ABCC5: variants seen among roughly 807,000 people sequenced by gnomAD.
ABCC5 encodes ATP binding cassette subfamily C member 5, also known as ATP-binding cassette sub-family C member 5.
In ABCC5, 61 loss-of-function variants were observed where a neutral mutation model predicts 160.9. That is an observed-to-expected ratio of 0.38 (90% CI 0.31 to 0.47). The LOEUF (loss-of-function observed/expected upper bound fraction) is 0.47. ABCC5 is among the 20% of genes least tolerant of loss of function. ABCC5 has a pLI of 0.99. For missense variants in ABCC5, 1,308 were observed against 1,813.3 expected, an observed-to-expected ratio of 0.72 and a Z score of 5.06; for synonymous variants, 666 against 700.6, an observed-to-expected ratio of 0.95 and a Z score of 0.78.
intron 9 of ABCC5, among the ~76,000 whole-genome samples, chr3:183,978,028 C>T (rs1718377482): frequency 6.6e-6 from 1 of 152,222 alleles, no homozygotes; most frequent in Non-Finnish European, 1.5e-5. Context: ...GCTGGGATTA[C>T]AGGCGTGAGC....
chr3:183,977,868 T>G (rs914925059), intron 9 of ABCC5, among the ~76,000 whole-genome samples: 5 of 152,126 alleles, frequency 3.3e-5, no homozygotes, highest in African/African-American at 1.2e-4. Context: ...TTCTCCTGCC[T>G]CAGCCTCCCG....
chr3:183,972,221 G>T (rs1415153459), intron 10 of ABCC5, among the ~76,000 whole-genome samples: 3 of 152,152 alleles, frequency 2.0e-5, no homozygotes, highest in Non-Finnish European at 4.4e-5. Flanking sequence ...ACATTTAACT[G>T]ACTGGCACGT....
chr3:183,973,282 T>C (rs1415086755), intron 10 of ABCC5, among the ~76,000 whole-genome samples: 2 of 149,158 alleles, frequency 1.3e-5, no homozygotes, highest in African/African-American at 2.5e-5. Flanking sequence ...CTAGATCTCC[T>C]GACCTCGTGA....
At chr3:183,974,819 T>C (rs980047483) in intron 10 of ABCC5, among the ~76,000 whole-genome samples, 1 of 152,316 alleles carries the variant, frequency 6.6e-6, no homozygotes, top group East Asian at 1.9e-4. Context: ...TCTCTTTTCC[T>C]ATTCTTTATG....
At chr3:183,968,880 C>T (rs1164007820) in intron 11 of ABCC5, among the ~76,000 whole-genome samples, 2 of 152,152 alleles carry the variant, frequency 1.3e-5, no homozygotes, top group African/African-American at 2.4e-5. Flanking sequence ...CTGTGTCTGT[C>T]TCCTTCTTTG....
intron 25 of ABCC5, among the ~76,000 whole-genome samples, chr3:183,942,039 TTTC>T (rs1714405799): frequency 6.9e-6 from 1 of 145,760 alleles, no homozygotes; most frequent in Non-Finnish European, 1.5e-5. Flanking sequence ...CAGTTACGCA[TTTC>T]TTTTCTTTTT....
chr3:183,921,478 G>A lies in ABCC5; in HGVS notation c.4213-77C>T. 5 of 1,350,304 alleles carry A rather than the reference G, an allele frequency of 3.7e-6. No homozygotes were observed. In the East Asian group the frequency reaches 7.7e-5, roughly 21 times the overall value. 83.6% of individuals were successfully genotyped at this position (1,350,304 alleles called of 1,614,324 possible). A position where few individuals can be genotyped will look rare whatever the true frequency, so the allele number is the denominator to read the frequency against. ...ATTCAGAGGATCCACGGCTCAGTAA[G>A]TGCCAGTGCCCTCTGAGGGTAGAAT... On this transcript the variant is annotated intron_variant, in intron 29 of 29. Transcript: ENST00000334444. This position sits in a 1 kb window ranked among gnomAD's most constrained non-coding sequence, Gnocchi z 4.1.
chr3:184,017,490 C>G lies in ABCC5; in HGVS notation c.-56+340G>C, dbSNP rs1314561846. The G allele has an allele frequency of 1.3e-5, 2 of 152,164 alleles. No individual in the cohort carries two copies. Among genetic ancestry groups the G allele is most frequent in the African/African-American group, 4.8e-5 (2 of 41,430 alleles). The allele number at this position is 152,164 out of a possible 1,614,324, so 9.4% of individuals were successfully genotyped here. On this transcript the variant is annotated intron_variant, in intron 1 of 29. Coordinates refer to ENST00000334444, the MANE Select transcript of ABCC5 (RefSeq NM_005688.4). This position sits in a 1 kb window ranked among gnomAD's most constrained non-coding sequence, Gnocchi z 4.5. ...CCCTAGGGCGTTCCCACAGCCCGCT[C>G]CGGCCTGCCCAGGCGAGCGCGACCC...
intron 5 of ABCC5, chr3:183,985,073 G>T: frequency 1.5e-6 from 1 of 665,980 alleles, no homozygotes; most frequent in Non-Finnish European, 2.5e-6. Context: ...AGAGGAAACA[G>T]CAGATTAAAG....
chr3:183,994,256 T>C (rs1720051604), intron 2 of ABCC5, among the ~76,000 whole-genome samples: 1 of 152,228 alleles, frequency 6.6e-6, no homozygotes, highest in South Asian at 2.1e-4. Flanking sequence ...CTTGACATTA[T>C]TTATGATTCA....
intron 26 of ABCC5, among the ~76,000 whole-genome samples, chr3:183,934,131 C>A (rs997647561): frequency 6.6e-6 from 1 of 152,164 alleles, no homozygotes; most frequent in Non-Finnish European, 1.5e-5. Context: ...CATGGTGAAA[C>A]CCCGTCTCTA....
rs566496173 is a variant in ABCC5, at chr3:183,922,210, G to A, written c.4213-809C>T. 5.9e-5 allele frequency among the ~76,000 whole-genome samples: 9 copies of A among 151,630 alleles called. No homozygotes were observed. The South Asian group carries it at 1.7e-3, about 28-fold the overall frequency. On this transcript the variant is annotated intron_variant, in intron 29 of 29. Transcript: ENST00000334444. ...AACATGGTGAAACCCTGTCTCTAGT[G>A]AAAATACAAAAATTAGCTGGGTGTG...
rs1334192274 is a variant in ABCC5, at chr3:183,947,376, T to A, written c.3362A>T (p.His1121Leu). 1 of 1,613,504 alleles carries A rather than the reference T, an allele frequency of 6.2e-7. No individual in the cohort carries two copies. Among genetic ancestry groups the A allele is most frequent in the Non-Finnish European group, 8.5e-7 (1 of 1,179,846 alleles). The change falls in exon 23 of 30, where the codon CAC (histidine) becomes CTC (leucine). Residue 1121 changes from histidine to leucine, a missense_variant. Coordinates refer to ENST00000334444, the MANE Select transcript of ABCC5 (RefSeq NM_005688.4). ...CGCATAGGCTGGGGGAATCTGCCCG[T>A]GCATAAGAACGATCATCAGCCCCGT... is the stretch of plus-strand genomic sequence containing the variant. ...TTTGLMIVLM[H>L]GQIPPAYAGL...
intron 2 of ABCC5, among the ~76,000 whole-genome samples, chr3:184,010,798 C>CTTTTTTTTTT: frequency 7.3e-6 from 1 of 136,630 alleles, no homozygotes; most frequent in Non-Finnish European, 1.6e-5. Flanking sequence ...CATTCTTCTT[C>CTTTTTTTTTT]TTTTTTTTTT....
chr3:183,960,543 T>A (rs1315129735), intron 16 of ABCC5, among the ~76,000 whole-genome samples: 1 of 152,130 alleles, frequency 6.6e-6, no homozygotes, highest in African/African-American at 2.4e-5. Flanking sequence ...GTACTATACA[T>A]GTGATGTGGT....
intron 10 of ABCC5, chr3:183,972,148 C>G (rs941313452): frequency 2.6e-6 from 2 of 763,214 alleles, no homozygotes; most frequent in African/African-American, 3.4e-5. Context: ...ACCCAATATT[C>G]CACATGACAA....
chr3:183,985,480 G>C, intron 5 of ABCC5: 1 of 997,010 alleles, frequency 1.0e-6, no homozygotes, highest in Non-Finnish European at 1.6e-6. Context: ...AGGTTGGAAG[G>C]GTGGGAAACT....
At chr3:183,975,551 C>T (rs148104425) in intron 10 of ABCC5, among the ~76,000 whole-genome samples, 1,885 of 152,092 alleles carry the variant, frequency 0.012, 48 homozygotes, top group African/African-American at 0.043. Context: ...CCATGTTGGC[C>T]AGGCTGGTCT....
intron 28 of ABCC5, 138 bp downstream of exon 28, chr3:183,927,192 A>G: frequency 1.2e-6 from 1 of 826,578 alleles, no homozygotes. Context: ...TGTCAGGGTT[A>G]GAGTTATCTC....
Sources: gnomAD v4.1 joint callset for allele counts (sites outside exome capture counted in the v4.1 genomes callset) on GRCh38, gnomAD v4.1.1 for gene constraint, Gnocchi (gnomAD v3.1) non-coding constraint, MANE v1.5 for transcripts, NCBI Gene and HGNC (gene_info 2026-07-23, HGNC 2026-07-21) for gene names.